GRIA3: variants seen among roughly 807,000 people sequenced by gnomAD.
GRIA3 encodes the protein glutamate receptor 3.
GRIA3 carries 3 observed loss-of-function variants against 63.0 expected under a neutral mutation model. That is an observed-to-expected ratio of 0.05 (90% CI 0.02 to 0.12). GRIA3 has a LOEUF of 0.12. Ranked by LOEUF, GRIA3 falls within the 10% of genes least tolerant of loss-of-function variation. The pLI, the probability that GRIA3 is intolerant of heterozygous loss-of-function variation, is 1.00. For missense variants in GRIA3, 347 were observed against 700.9 expected, an observed-to-expected ratio of 0.50 and a Z score of 5.70; for synonymous variants, 274 against 257.9, an observed-to-expected ratio of 1.06 and a Z score of -0.60.
chrX:123,430,087 C>A (rs2147402499), intron 12 of GRIA3, among the ~76,000 whole-genome samples: 1 of 112,103 alleles, frequency 8.9e-6, no homozygotes, highest in Non-Finnish European at 1.9e-5. Context: ...TCTACTAAAT[C>A]ATTCAATCAT....
chrX:123,403,343 A>C (rs1036372759), intron 8 of GRIA3, 69 bp from the exon 9 acceptor site: 7 of 733,239 alleles, frequency 9.5e-6, no homozygotes, highest in Non-Finnish European at 1.5e-5. Context: ...CCACAACAGC[A>C]CTTCAATTTC....
At chrX:123,448,689 G>A (rs893022470) in intron 12 of GRIA3, among the ~76,000 whole-genome samples, 1 of 112,201 alleles carries the variant, frequency 8.9e-6, no homozygotes, top group African/African-American at 3.2e-5. Flanking sequence ...ATAGACATGT[G>A]TGGCTAGAAG....
At chrX:123,425,284 C>G (rs2045583938) in intron 11 of GRIA3, among the ~76,000 whole-genome samples, 1 of 111,736 alleles carries the variant, frequency 8.9e-6, no homozygotes, top group Non-Finnish European at 1.9e-5. Flanking sequence ...TTCTGCCTCT[C>G]TGTGCCTCAG....
intron 2 of GRIA3, among the ~76,000 whole-genome samples, chrX:123,216,784 T>C (rs1384783713): frequency 8.9e-6 from 1 of 112,040 alleles, no homozygotes; most frequent in Non-Finnish European, 1.9e-5. Context: ...GCAAACATTG[T>C]TGGTTTTTCT....
chrX:123,217,197 AG>A (rs1478241557), intron 2 of GRIA3, among the ~76,000 whole-genome samples: 1 of 111,363 alleles, frequency 9.0e-6, no homozygotes, highest in African/African-American at 3.3e-5. Context: ...GGCCTTCAGA[AG>A]GTCACTGGAG....
At chrX:123,321,652 T>C (rs1237164535) in intron 3 of GRIA3, among the ~76,000 whole-genome samples, 1 of 112,473 alleles carries the variant, frequency 8.9e-6, no homozygotes, top group East Asian at 2.8e-4. Flanking sequence ...CTTTCCCCTG[T>C]GAAAATGATT....
chrX:123,234,400 G>A (rs978691622), intron 2 of GRIA3, among the ~76,000 whole-genome samples: 2 of 111,764 alleles, frequency 1.8e-5, no homozygotes, highest in Non-Finnish European at 3.8e-5. Context: ...TTCTCTCTTG[G>A]AATCCATTTC....
At chrX:123,384,280 G>A (rs1332313507) in intron 5 of GRIA3, among the ~76,000 whole-genome samples, 1 of 112,273 alleles carries the variant, frequency 8.9e-6, no homozygotes, top group Non-Finnish European at 1.9e-5. Context: ...TTTCCATACT[G>A]CTTTCCACAA....
chrX:123,249,262 T>G (rs2147280341), intron 2 of GRIA3, among the ~76,000 whole-genome samples: 1 of 112,353 alleles, frequency 8.9e-6, no homozygotes, highest in Admixed American at 9.4e-5. Flanking sequence ...AAAATAAACT[T>G]TTCCATATAA....
intron 2 of GRIA3, among the ~76,000 whole-genome samples, chrX:123,216,083 A>G (rs1603030454): frequency 8.9e-6 from 1 of 112,205 alleles, no homozygotes; most frequent in East Asian, 2.8e-4. Flanking sequence ...CAAACAAGCA[A>G]ATAAATACAT....
chrX:123,192,759 G>A (rs1475333480), intron 2 of GRIA3, among the ~76,000 whole-genome samples: 2 of 111,621 alleles, frequency 1.8e-5, no homozygotes, highest in Admixed American at 9.5e-5. Flanking sequence ...AGCTGATAAT[G>A]ATCCCTCAAC....
chrX:123,487,811 G>C (rs1232799137), intron 15 of GRIA3, among the ~76,000 whole-genome samples: 3 of 112,068 alleles, frequency 2.7e-5, no homozygotes, highest in Non-Finnish European at 5.6e-5. Context: ...TTTCATGTTA[G>C]TCTTATTCTA....
intron 3 of GRIA3, among the ~76,000 whole-genome samples, chrX:123,289,321 T>C (rs1964256737): frequency 9.1e-6 from 1 of 109,884 alleles, no homozygotes; most frequent in South Asian, 3.9e-4. Context: ...ATAATGTAGA[T>C]GATGAGTTGA....
chrX:123,202,651 A>T lies in GRIA3; in HGVS notation c.268+16661A>T, dbSNP rs1482039381. ...ACCCCCACAGGTCCTGCTGAAAGGG[A>T]CTACCTGCCTTGGCCAGGAAGCATC... On this transcript the variant is annotated intron_variant, in intron 2 of 15. Coordinates refer to ENST00000620443, the MANE Select transcript of GRIA3 (RefSeq NM_007325.5). The T allele has an allele frequency of 6.0e-6, 7 of 1,164,858 alleles. No individual in the cohort carries two copies. In the South Asian group the frequency reaches 1.1e-4, roughly 19 times the overall value.
chrX:123,461,029 T>C (rs952679707), intron 12 of GRIA3, among the ~76,000 whole-genome samples: 2 of 111,456 alleles, frequency 1.8e-5, no homozygotes, highest in African/African-American at 3.3e-5. Flanking sequence ...TCCAAATTGG[T>C]TTAGCAAGGT....
chrX:123,207,114 G>A (rs1053791529), intron 2 of GRIA3, among the ~76,000 whole-genome samples: 4 of 109,678 alleles, frequency 3.6e-5, no homozygotes, highest in Non-Finnish European at 1.9e-5. Context: ...AAGGGACCAC[G>A]GTGATGTTAA....
intron 5 of GRIA3, among the ~76,000 whole-genome samples, chrX:123,375,658 C>T (rs771058484): frequency 2.7e-5 from 3 of 111,392 alleles, no homozygotes; most frequent in Non-Finnish European, 5.7e-5. Context: ...TTTTCTGGAC[C>T]TGCAGACTGT....
intron 2 of GRIA3, among the ~76,000 whole-genome samples, chrX:123,241,642 A>G (rs1254241145): frequency 1.8e-5 from 2 of 110,494 alleles, no homozygotes; most frequent in African/African-American, 6.6e-5. Flanking sequence ...CTGGACGCCA[A>G]ACTTTAAGGG....
At chrX:123,223,039 T>C (rs979248384) in intron 2 of GRIA3, among the ~76,000 whole-genome samples, 11 of 112,609 alleles carry the variant, frequency 9.8e-5, no homozygotes, top group Non-Finnish European at 1.7e-4. Context: ...GGCACCACGA[T>C]GTGTCCCCAA....
Sources: gnomAD v4.1 joint callset for allele counts (sites outside exome capture counted in the v4.1 genomes callset) on GRCh38, gnomAD v4.1.1 for gene constraint, MANE v1.5 for transcripts, NCBI Gene and HGNC (gene_info 2026-07-23, HGNC 2026-07-21) for gene names.